DDX60L: variants seen among roughly 807,000 people sequenced by gnomAD.
The protein encoded by DDX60L is probable ATP-dependent RNA helicase DDX60-like.
Under a neutral mutation model 211.6 loss-of-function variants are expected in DDX60L, and 191 were observed. That is an observed-to-expected ratio of 0.90 (90% CI 0.80 to 1.02). DDX60L has a LOEUF of 1.02. DDX60L is among the 50% of genes least tolerant of loss of function. The pLI is 0.00. For missense variants in DDX60L, 2,007 were observed against 1,984.1 expected (o/e 1.01, Z -0.22); for synonymous variants, 706 against 694.1 (o/e 1.02, Z -0.27).
intron 26 of DDX60L, among the ~76,000 whole-genome samples, chr4:168,398,578 G>T (rs1746237713): frequency 6.6e-6 from 1 of 152,184 alleles, no homozygotes; most frequent in African/African-American, 2.4e-5. Context: ...AAACCTGGGG[G>T]CTGGGCTGCC....
intron 22 of DDX60L, among the ~76,000 whole-genome samples, chr4:168,409,585 T>A (rs1748327786): frequency 6.6e-6 from 1 of 152,208 alleles, no homozygotes; most frequent in Non-Finnish European, 1.5e-5. Flanking sequence ...AAATGCCATT[T>A]GGAATGAGTC....
intron 36 of DDX60L, among the ~76,000 whole-genome samples, chr4:168,365,854 T>A (rs1368761493): frequency 1.3e-5 from 2 of 152,126 alleles, no homozygotes; most frequent in African/African-American, 4.8e-5. Context: ...ATCCAGGGAA[T>A]GCAAGGATAG....
At position 168,446,726 on chromosome 4, in the gene DDX60L, G is replaced by A. The variant is rs866118861; in HGVS notation, c.1138+1912C>T. Among the ~76,000 whole-genome samples, 554 of 144,742 alleles carry A rather than the reference G, an allele frequency of 3.8e-3. 5 individuals carry two copies. Among genetic ancestry groups the A allele is most frequent in the African/African-American group, 0.013 (508 of 38,874 alleles). The allele number at this position is 144,742 out of a possible 152,430, so 95.0% of individuals were successfully genotyped here. ...GAACAGAGCCCTCAGAAATAACACC[G>A]CATATCTACAACTATCTGATCTTTG... is the stretch of plus-strand genomic sequence containing the variant. On this transcript the variant is annotated intron_variant, in intron 9 of 37. Transcript: ENST00000682922.
intron 37 of DDX60L, 73 bp from the exon 38 acceptor site, chr4:168,358,349 T>C (rs1253617789): frequency 8.6e-7 from 1 of 1,166,188 alleles, no homozygotes; most frequent in East Asian, 2.8e-5. Flanking sequence ...ATTAAAAGGT[T>C]AGCAGAAGTA....
At chr4:168,367,450 C>T (rs1430835766) in intron 36 of DDX60L, among the ~76,000 whole-genome samples, 2 of 152,184 alleles carry the variant, frequency 1.3e-5, no homozygotes, top group Non-Finnish European at 2.9e-5. Context: ...CTCCACAGCC[C>T]TATGGAACTC....
intron 8 of DDX60L, among the ~76,000 whole-genome samples, chr4:168,449,659 AAAAAAAG>A (rs759329148): frequency 0.071 from 6,444 of 90,916 alleles, 397 homozygotes; most frequent in South Asian, 0.12. Context: ...ATGCAAAAAA[AAAAAAAG>A]AAAAAAGAAA....
intron 25 of DDX60L, 92 bp from the exon 26 acceptor site, chr4:168,401,070 G>T: frequency 8.5e-7 from 1 of 1,170,990 alleles, no homozygotes; most frequent in South Asian, 1.5e-5. Flanking sequence ...TCAATCATCT[G>T]AATAGACTTC....
At chr4:168,375,293 T>C (rs1741754265) in intron 34 of DDX60L, 84 bp downstream of exon 34, 2 of 1,428,432 alleles carry the variant, frequency 1.4e-6, no homozygotes, top group Non-Finnish European at 9.6e-7. Context: ...TTACCAGCTT[T>C]GAAGCATCCA....
At chr4:168,395,281 G>C (rs1745573248) in intron 27 of DDX60L, among the ~76,000 whole-genome samples, 1 of 152,056 alleles carries the variant, frequency 6.6e-6, no homozygotes, top group South Asian at 2.1e-4. Context: ...CTCTATTGTT[G>C]TTGGCAAGAA....
chr4:168,414,660 G>A (rs1032487076), intron 22 of DDX60L, among the ~76,000 whole-genome samples: 4 of 151,856 alleles, frequency 2.6e-5, no homozygotes, highest in Admixed American at 1.3e-4. Context: ...TAAAAACAGT[G>A]GAATACCATT....
Position 168,379,413 on chromosome 4 carries a change from T to C in DDX60L, c.4313A>G (p.Asn1438Ser). 1 of 1,602,634 alleles carries C rather than the reference T, an allele frequency of 6.2e-7. No homozygotes were observed. The highest frequency in any genetic ancestry group is 8.5e-7 in the Non-Finnish European group (1 of 1,176,618). ...ATGGAAAAGGCCTCTCTTGAGAAAA[T>C]TTACAAAAACAAGATTTGAAGGTTC... ...GHEPSNLVFV[N>S]FLKRGLFHNL... is the part of the protein sequence containing the mutation. The change falls in exon 32 of 38, where the codon AAT (asparagine) becomes AGT (serine). Residue 1438 changes from asparagine to serine, a missense_variant. By Grantham distance (46) the Asn-to-Ser change is conservative. Coordinates refer to ENST00000682922, the MANE Select transcript of DDX60L (RefSeq NM_001012967.3).
At chr4:168,425,731 T>G (rs1014950542) in intron 14 of DDX60L, among the ~76,000 whole-genome samples, 18 of 151,952 alleles carry the variant, frequency 1.2e-4, no homozygotes, top group Admixed American at 5.9e-4. Flanking sequence ...ATCACTCTAC[T>G]GCACTCCAGC....
intron 4 of DDX60L, among the ~76,000 whole-genome samples, chr4:168,467,819 C>T (rs531659277): frequency 6.6e-6 from 1 of 152,276 alleles, no homozygotes; most frequent in South Asian, 2.1e-4. Flanking sequence ...GACTTTTCAA[C>T]ACATTCACCA....
chr4:168,369,752 G>C (rs1221827373), intron 36 of DDX60L, among the ~76,000 whole-genome samples: 1 of 151,860 alleles, frequency 6.6e-6, no homozygotes. Context: ...TTAAAAATGG[G>C]CAAAAAACTT....
intron 29 of DDX60L, 142 bp downstream of exon 29, chr4:168,391,398 C>A: frequency 1.7e-6 from 1 of 602,232 alleles, no homozygotes; most frequent in Non-Finnish European, 3.0e-6. Context: ...AGATATGAGG[C>A]CACTCAACTC....
At chr4:168,379,693 T>G in intron 31 of DDX60L, 33 bp downstream of exon 31, 1 of 1,544,034 alleles carries the variant, frequency 6.5e-7, no homozygotes, top group Non-Finnish European at 8.9e-7. Context: ...CGGTACTAGT[T>G]ACAGAGAACA....
chr4:168,395,734 A>G (rs1166359851), intron 27 of DDX60L: 1 of 420,688 alleles, frequency 2.4e-6, no homozygotes, highest in Admixed American at 4.4e-5. Flanking sequence ...TAATAGAGTG[A>G]AATAAAATAA....
At chr4:168,388,199 T>C (rs1744218187) in intron 29 of DDX60L, among the ~76,000 whole-genome samples, 1 of 152,102 alleles carries the variant, frequency 6.6e-6, no homozygotes, top group Non-Finnish European at 1.5e-5. Context: ...TCCCCAAAGC[T>C]GGAGTAATCA....
chr4:168,457,916 C>T lies in DDX60L; in HGVS notation c.699G>A (p.Leu233=). Residue 233 remains leucine, a synonymous_variant, in exon 6 of 38, where the codon TTG becomes TTA. Coordinates refer to ENST00000682922, the MANE Select transcript of DDX60L (RefSeq NM_001012967.3). ...CCTCTTCCATCATATCATTCCATTT[C>T]AAATGTTCAAAATGAGTTGCTAATA... ...VLVLATHFEH[L]KWNDMMEEAY... 1 of 1,554,068 alleles carries T rather than the reference C, an allele frequency of 6.4e-7. No individual in the cohort carries two copies.
Sources: allele counts gnomAD v4.1 joint callset (sites outside exome capture counted in the v4.1 genomes callset), GRCh38; gene constraint gnomAD v4.1.1; transcripts MANE v1.5; gene names NCBI Gene and HGNC (gene_info 2026-07-23, HGNC 2026-07-21).